GATM: variants seen among roughly 807,000 people sequenced by gnomAD.
The protein encoded by GATM is glycine amidinotransferase, mitochondrial.
In GATM, 23 loss-of-function variants were observed where a neutral mutation model predicts 54.2. The observed-to-expected ratio is 0.42, with a 90% CI of 0.31 to 0.60. The LOEUF (loss-of-function observed/expected upper bound fraction) is 0.60, where lower values mean the gene tolerates loss of function less well. GATM is among the 20% of genes least tolerant of loss of function. The pLI is 0.14. For synonymous variants in GATM, 168 were observed against 183.1 expected, an observed-to-expected ratio of 0.92 and a Z score of 0.67; for missense variants, 401 against 544.9, an observed-to-expected ratio of 0.74 and a Z score of 2.63.
intron 3 of GATM, among the ~76,000 whole-genome samples, chr15:45,390,252 T>C (rs1889856210): frequency 6.6e-6 from 1 of 152,178 alleles, no homozygotes. Context: ...CACCAAATAT[T>C]GTGGTCTGGC....
rs777371743 is a variant in GATM, at chr15:45,366,057, G to C, written c.967C>G (p.Pro323Ala). The C allele has an allele frequency of 5.0e-6, 8 of 1,614,056 alleles. No individual in the cohort carries two copies. Among genetic ancestry groups the C allele is most frequent in the Non-Finnish European group, 6.8e-6 (8 of 1,179,986 alleles). Reference protein sequence around the residue: ...PGIVLSNPDRPCHQIDLFKKA... With the variant: ...PGIVLSNPDRACHQIDLFKKA... ...AAGAAATCTCTTACCTGGTGACATG[G>C]TCGGTCAGGGTTGGAAAGCACAATA... The change falls in exon 6 of 9, where the codon CCA becomes GCA. Residue 323 changes from proline to alanine, a missense_variant. By Grantham distance (27) the Pro-to-Ala change is conservative. Coordinates refer to ENST00000396659, the MANE Select transcript of GATM (RefSeq NM_001482.3).
upstream of GATM, among the ~76,000 whole-genome samples, chr15:45,383,344 G>A (rs1889767415): frequency 6.6e-6 from 1 of 152,202 alleles, no homozygotes; most frequent in African/African-American, 2.4e-5. Context: ...CAAAACACTA[G>A]CTCCAGCTAA....
At chr15:45,381,052 T>C (rs962757557), upstream of GATM, among the ~76,000 whole-genome samples, 1 of 152,238 alleles carries the variant, frequency 6.6e-6, no homozygotes, top group African/African-American at 2.4e-5. Flanking sequence ...AGATTGTTTG[T>C]CTAATACTGG....
intron 3 of GATM, among the ~76,000 whole-genome samples, chr15:45,385,487 G>T (rs1859263670): frequency 6.6e-6 from 1 of 152,160 alleles, no homozygotes. Flanking sequence ...TTTCTTAAGT[G>T]AATGAATAAA....
chr15:45,399,217 A>C (rs1889969427), intron 2 of GATM, among the ~76,000 whole-genome samples: 1 of 152,256 alleles, frequency 6.6e-6, no homozygotes. Flanking sequence ...ATTTAGGAAC[A>C]GTCTCATTTT....
At chr15:45,388,587 C>T (rs1305563466) in intron 3 of GATM, among the ~76,000 whole-genome samples, 3 of 152,110 alleles carry the variant, frequency 2.0e-5, no homozygotes, top group African/African-American at 4.8e-5. Context: ...TTCAGGACTT[C>T]GTCAGTTTTG....
intron 1 of GATM, 78 bp downstream of exon 1, chr15:45,378,307 G>A (rs754723344): frequency 7.8e-6 from 9 of 1,155,200 alleles, no homozygotes; most frequent in South Asian, 1.4e-5. Context: ...TCCGGGCAGG[G>A]AGCGAGCGAG....
intron 3 of GATM, among the ~76,000 whole-genome samples, chr15:45,396,431 G>C (rs1195512839): frequency 6.6e-6 from 1 of 152,184 alleles, no homozygotes; most frequent in Non-Finnish European, 1.5e-5. Flanking sequence ...AGATTGGAGG[G>C]ATGGTGTTTA....
chr15:45,401,205 A>G (rs1179197243), intron 1 of GATM, among the ~76,000 whole-genome samples: 1 of 152,198 alleles, frequency 6.6e-6, no homozygotes, highest in Non-Finnish European at 1.5e-5. Context: ...CATGTCTGCC[A>G]TGAAGTTTGG....
intron 4 of GATM, among the ~76,000 whole-genome samples, chr15:45,367,621 G>A (rs1223354801): frequency 6.6e-6 from 1 of 152,012 alleles, no homozygotes; most frequent in Non-Finnish European, 1.5e-5. Context: ...ATTTAATAAG[G>A]GACATACATT....
upstream of GATM, among the ~76,000 whole-genome samples, chr15:45,382,554 C>T (rs765803408): frequency 2.6e-5 from 4 of 151,532 alleles, no homozygotes; most frequent in Non-Finnish European, 5.9e-5. Flanking sequence ...CCCAGCTACT[C>T]GGGAGGTTGA....
At chr15:45,391,337 G>A (rs1008627402) in intron 3 of GATM, among the ~76,000 whole-genome samples, 8 of 151,910 alleles carry the variant, frequency 5.3e-5, no homozygotes, top group Non-Finnish European at 8.8e-5. Context: ...ACTTGAACCC[G>A]GGAGGCGGAG....
chr15:45,402,189 G>A (rs1595492662), exon 1 of GATM: 1 of 540,702 alleles, frequency 1.8e-6, no homozygotes, highest in South Asian at 2.7e-5. Flanking sequence ...AGACCATCTC[G>A]GGAAAGCTCT....
intron 3 of GATM, among the ~76,000 whole-genome samples, chr15:45,385,698 T>C (rs1276727177): frequency 1.3e-5 from 2 of 152,212 alleles, no homozygotes; most frequent in Non-Finnish European, 2.9e-5. Context: ...TCTCTCTGTA[T>C]ATAGTAAGCA....
chr15:45,378,865 T>C (rs1889694508), upstream of GATM: 1 of 166,076 alleles, frequency 6.0e-6, no homozygotes, highest in African/African-American at 2.4e-5. Context: ...ATTAAGTGAA[T>C]ATTTGAGAAT....
intron 2 of GATM, among the ~76,000 whole-genome samples, chr15:45,375,593 C>T (rs560363659): frequency 2.1e-4 from 32 of 152,208 alleles, no homozygotes; most frequent in Admixed American, 2.0e-3. Flanking sequence ...CTTATAAAGT[C>T]TGCTGAAAAC....
chr15:45,373,904 C>T (rs1017115121), intron 2 of GATM, among the ~76,000 whole-genome samples: 7 of 152,108 alleles, frequency 4.6e-5, no homozygotes, highest in Non-Finnish European at 7.4e-5. Context: ...AATAAACAAA[C>T]AAAAAGAACC....
rs149202028 is a variant in GATM at position 45,368,758 on chromosome 15, G to A, written c.485-498C>T. On this transcript the variant is annotated intron_variant, in intron 3 of 8. Transcript: ENST00000396659. This position sits in a 1 kb window ranked among gnomAD's most constrained non-coding sequence, Gnocchi z 5.1. ...ATTGTTAACATGAATTGTGTGGTGG[G>A]GGGGAAGCCCAGAAAAAAAAGAAAA... Among the ~76,000 whole-genome samples, 1 of 150,648 alleles carries A rather than the reference G, an allele frequency of 6.6e-6. No homozygotes were observed. Among genetic ancestry groups the A allele is most frequent in the Non-Finnish European group, 1.5e-5 (1 of 67,766 alleles).
rs1354257627 is a variant in GATM at position 45,361,344 on chromosome 15, G to A, written c.*765C>T. 1 of 150,174 alleles carries A rather than the reference G, an allele frequency of 6.7e-6. No homozygotes were observed. The highest frequency in any genetic ancestry group is 1.5e-5 in the Non-Finnish European group (1 of 67,932). 9.3% of individuals were successfully genotyped at this position (150,174 alleles called of 1,614,324 possible). ...ATATCAAAACTTAAGGATGGGAACT[G>A]ATAGCGAAATCCAATTACACTAAAC... is the stretch of plus-strand genomic sequence containing the variant. On this transcript the variant is annotated 3_prime_UTR_variant, in exon 9 of 9. Transcript: ENST00000396659.
Sources: gnomAD v4.1 joint callset for allele counts (sites outside exome capture counted in the v4.1 genomes callset) on GRCh38, gnomAD v4.1.1 for gene constraint, Gnocchi (gnomAD v3.1) non-coding constraint, MANE v1.5 for transcripts, NCBI Gene and HGNC (gene_info 2026-07-23, HGNC 2026-07-21) for gene names.